ANKRD1: variants seen among roughly 807,000 people sequenced by gnomAD.
ANKRD1 encodes ankyrin repeat domain-containing protein 1.
Under a neutral mutation model 40.1 loss-of-function variants are expected in ANKRD1, and 32 were observed. The ratio of observed to expected loss-of-function variants is 0.80; its 90% CI spans 0.60 to 1.07. The LOEUF is 1.07. Ranked by LOEUF, ANKRD1 falls within the 50% of genes least tolerant of loss-of-function variation. ANKRD1 has a pLI of 0.00. For synonymous variants in ANKRD1, 149 were observed against 141.2 expected (o/e 1.06, Z -0.39); for missense variants, 359 against 386.0 (o/e 0.93, Z 0.59).
chr10:90,913,146 C>A lies in ANKRD1; in HGVS notation c.850-170G>T, dbSNP rs182272788. Among the ~76,000 whole-genome samples, 18 of 152,354 alleles carry A rather than the reference C, an allele frequency of 1.2e-4. No individual in the cohort carries two copies. The Middle Eastern group carries it at 0.01, about 86-fold the overall frequency. The stretch of plus-strand genomic sequence containing the variant: ...TACTCAAACCAGTCCTTCACTGTTT[C>A]TCAGAGGGATGCTTTTGCCATTTTA... On this transcript the variant is annotated intron_variant, in intron 8 of 8. Transcript: ENST00000371697.
intron 8 of ANKRD1, 50 bp from the exon 9 acceptor site, chr10:90,913,026 A>T: frequency 1.3e-6 from 2 of 1,486,914 alleles, no homozygotes; most frequent in Non-Finnish European, 1.9e-6. Flanking sequence ...TGACATCTGT[A>T]AATTCACATT....
intron 2 of ANKRD1, among the ~76,000 whole-genome samples, chr10:90,919,830 A>G (rs1847415561): frequency 6.6e-6 from 1 of 152,214 alleles, no homozygotes; most frequent in African/African-American, 2.4e-5. Context: ...TTAAACAATG[A>G]TCTATGGACC....
At position 90,912,914 on chromosome 10, in the gene ANKRD1, G is replaced by C; in HGVS notation, c.912C>G (p.Asp304Glu). 6 of 1,614,084 alleles carry C rather than the reference G, an allele frequency of 3.7e-6. No individual in the cohort carries two copies. The highest frequency in any genetic ancestry group is 1.3e-5 in the African/African-American group (1 of 75,054). Residue 304 changes from aspartate to glutamate, a missense_variant, in exon 9 of 9, where the codon GAC becomes GAG. Physicochemically the swap from Asp to Glu is conservative, Grantham distance 45. Transcript: ENST00000371697. ...HWQNGTKAIFDSLRENSYKTS... is the reference protein window; with the variant it reads ...HWQNGTKAIFESLRENSYKTS... ...TCTTGTAGGAGTTCTCTCTGAGGCT[G>C]TCGAATATTGCTTTGGTTCCATTCT...
At chr10:90,914,734 C>A (rs1199252830) in intron 8 of ANKRD1, among the ~76,000 whole-genome samples, 2 of 87,562 alleles carry the variant, frequency 2.3e-5, no homozygotes, top group Admixed American at 1.2e-4. Flanking sequence ...CCCCCCCCCA[C>A]TCTTTTTTGT....
Position 90,915,564 on chromosome 10 carries a change from C to T in ANKRD1, c.828G>A (p.Ala276=), listed in dbSNP as rs758904122. ...TTACACAGTTCTTGATGTTGAGATC[C>T]GCGCCATACATAATCAGGAGTCGGA... ...KMIRLLIMYG[A]DLNIKNCAGK... The change falls in exon 8 of 9, where the codon GCG becomes GCA. Residue 276 remains alanine, a synonymous_variant. Coordinates refer to ENST00000371697, the MANE Select transcript of ANKRD1 (RefSeq NM_014391.3). 5 of 1,613,814 alleles carry T rather than the reference C, an allele frequency of 3.1e-6. No individual in the cohort carries two copies. The highest frequency in any genetic ancestry group is 1.1e-5 in the South Asian group (1 of 91,072).
intron 6 of ANKRD1, 90 bp from the exon 7 acceptor site, chr10:90,915,970 C>A: frequency 7.6e-7 from 1 of 1,319,192 alleles, no homozygotes; most frequent in South Asian, 1.3e-5. Flanking sequence ...GAGAAGTGGT[C>A]ACTAGGGTGC....
At chr10:90,913,081 C>G in intron 8 of ANKRD1, 105 bp from the exon 9 acceptor site, 1 of 1,073,712 alleles carries the variant, frequency 9.3e-7, no homozygotes, top group Non-Finnish European at 1.4e-6. Flanking sequence ...TATGTTATAA[C>G]AGTGTTTTAT....
chr10:90,917,086 T>C (rs550333415), intron 5 of ANKRD1, among the ~76,000 whole-genome samples: 10 of 152,342 alleles, frequency 6.6e-5, no homozygotes, highest in African/African-American at 2.4e-4. Flanking sequence ...TGTTTTGGAT[T>C]CAATTTTGGC....
chr10:90,919,365 G>C, intron 2 of ANKRD1, 97 bp from the exon 3 acceptor site: 1 of 1,091,474 alleles, frequency 9.2e-7, no homozygotes, highest in Non-Finnish European at 1.3e-6. Context: ...AGATAAACAT[G>C]TGAACAGTTT....
At chr10:90,919,062 A>G (rs1847404427) in intron 3 of ANKRD1, 69 bp downstream of exon 3, 1 of 1,602,506 alleles carries the variant, frequency 6.2e-7, no homozygotes, top group Non-Finnish European at 8.5e-7. Context: ...CAAACCCTCC[A>G]CAGATATTTG....
chr10:90,917,709 C>T (rs958433969), intron 5 of ANKRD1, 23 bp downstream of exon 5: 2 of 1,604,694 alleles, frequency 1.2e-6, no homozygotes, highest in Non-Finnish European at 1.7e-6. Flanking sequence ...TTGGCTCATT[C>T]CCAAGCAAAG....
chr10:90,915,502 T>C, intron 8 of ANKRD1, 41 bp downstream of exon 8: 8 of 1,567,076 alleles, frequency 5.1e-6, no homozygotes, highest in Non-Finnish European at 6.1e-6. Flanking sequence ...TCCTGGAAAT[T>C]GGAAAGCTTG....
At chr10:90,919,613 A>C (rs899424675) in intron 2 of ANKRD1, among the ~76,000 whole-genome samples, 2 of 152,212 alleles carry the variant, frequency 1.3e-5, no homozygotes, top group African/African-American at 4.8e-5. Flanking sequence ...TATGCTCAAA[A>C]CTTGGTTTAA....
rs1169952130 is a variant in ANKRD1 at position 90,912,849 on chromosome 10, AG to A, written c.*16del. The A allele has an allele frequency of 1.9e-6, 3 of 1,607,576 alleles. No individual in the cohort carries two copies. The highest frequency in any genetic ancestry group is 2.6e-6 in the Non-Finnish European group (3 of 1,174,296). ...AATGCCAGTGAACATTTACTGATTA[AG>A]AGTCTGTCGTTTGCCTCAGAATGTA... On this transcript the variant is annotated 3_prime_UTR_variant, in exon 9 of 9. Coordinates refer to ENST00000371697, the MANE Select transcript of ANKRD1 (RefSeq NM_014391.3).
In ANKRD1 at chr10:90,918,987, A is replaced by ATATATATATATACATAT. The variant is rs60923931; in HGVS notation, c.346-16_346-15insATATGTATATATATATA. 3 of 187,470 alleles carry ATATATATATATACATAT rather than the reference A, an allele frequency of 1.6e-5. 1 individual carries two copies. Among genetic ancestry groups the ATATATATATATACATAT allele is most frequent in the African/African-American group, 1.2e-4 (3 of 25,746 alleles). The allele number at this position is 187,470 out of a possible 1,614,324, so 11.6% of individuals were successfully genotyped here. On this transcript the variant is annotated splice_polypyrimidine_tract_variant and intron_variant, in intron 3 of 8. Coordinates refer to ENST00000371697, the MANE Select transcript of ANKRD1 (RefSeq NM_014391.3). Reference sequence around the variant, plus strand: ...ACAGGTTCCGTCTAAAGCCAAAATAAATAAATATATATATATATATATATA... The same window carrying ATATATATATATACATAT: ...ACAGGTTCCGTCTAAAGCCAAAATAATATATATATATACATATATAAATATATATATATATATATATA...
Position 90,920,222 on chromosome 10 carries a change from G to A in ANKRD1, c.154C>T (p.Pro52Ser), listed in dbSNP as rs397517248. 11 of 1,613,900 alleles carry A rather than the reference G, an allele frequency of 6.8e-6. No homozygotes were observed. Among genetic ancestry groups the A allele is most frequent in the Admixed American group, 1.7e-5 (1 of 59,976 alleles). Reference protein sequence around the residue: ...QEDLKTLLAHPVTLGEQQWKS... With the variant: ...QEDLKTLLAHSVTLGEQQWKS... ...CACTGTTGCTCCCCCAGGGTCACAG[G>A]GTGGGCTAGAAGTGTCTTCAGATCC... Residue 52 changes from proline to serine, a missense_variant, in exon 2 of 9, where the codon CCT becomes TCT. By Grantham distance (74) the Pro-to-Ser change is moderately conservative (BLOSUM62 -1). Coordinates refer to ENST00000371697, the MANE Select transcript of ANKRD1 (RefSeq NM_014391.3).
chr10:90,915,898 G>C lies in ANKRD1; in HGVS notation c.652-18C>G, dbSNP rs779127662. 1.7e-5 allele frequency: 28 copies of C among 1,609,798 alleles called. No homozygotes were observed. The highest frequency in any genetic ancestry group is 2.3e-5 in the Non-Finnish European group (27 of 1,178,322). Reference sequence around the variant, plus strand: ...CTGAGCAACTGGAAAATTGGAAAACGCTGCTGATTCGCTAGGAATGAGGAC... The same window carrying C: ...CTGAGCAACTGGAAAATTGGAAAACCCTGCTGATTCGCTAGGAATGAGGAC... On this transcript the variant is annotated intron_variant, in intron 6 of 8. Coordinates refer to ENST00000371697, the MANE Select transcript of ANKRD1 (RefSeq NM_014391.3).
Position 90,919,002 on chromosome 10 carries a change from A to G in ANKRD1, c.346-30T>C, listed in dbSNP as rs763769605. On this transcript the variant is annotated intron_variant, in intron 3 of 8. Coordinates refer to ENST00000371697, the MANE Select transcript of ANKRD1 (RefSeq NM_014391.3). ...AGCCAAAATAAATAAATATATATAT[A>G]TATATATATATATAGCATGAGAGTT... 13 of 1,117,702 alleles carry G rather than the reference A, an allele frequency of 1.2e-5. 1 individual carries two copies. The East Asian group carries it at 2.0e-4, about 17-fold the overall frequency. The allele number at this position is 1,117,702 out of a possible 1,614,324, so 69.2% of individuals were successfully genotyped here. A position where few individuals can be genotyped will look rare whatever the true frequency, so the allele number is the denominator to read the frequency against.
Position 90,915,883 on chromosome 10 carries a change from G to A in ANKRD1, c.652-3C>T, listed in dbSNP as rs1434917079. 1 of 1,604,368 alleles carries A rather than the reference G, an allele frequency of 6.2e-7. No homozygotes were observed. The highest frequency in any genetic ancestry group is 8.5e-7 in the Non-Finnish European group (1 of 1,177,190). ...ACATGCAGCGCTGTGCTGAGCAACTGGAAAATTGGAAAACGCTGCTGATTC... is the reference window on the plus strand; with the variant it reads ...ACATGCAGCGCTGTGCTGAGCAACTAGAAAATTGGAAAACGCTGCTGATTC... On this transcript the variant is annotated splice_polypyrimidine_tract_variant and splice_region_variant and intron_variant, in intron 6 of 8. Transcript: ENST00000371697.
Sources: allele counts gnomAD v4.1 joint callset (sites outside exome capture counted in the v4.1 genomes callset), GRCh38; gene constraint gnomAD v4.1.1; transcripts MANE v1.5; gene names NCBI Gene and HGNC (gene_info 2026-07-23, HGNC 2026-07-21).